Variants in TOGARAM1 observed in about 807,000 individuals in gnomAD.
The protein encoded by TOGARAM1 is TOG array regulator of axonemal microtubules 1.
TOGARAM1 carries 100 observed loss-of-function variants against 166.6 expected under a neutral mutation model. The observed-to-expected ratio is 0.60, with a 90% CI of 0.51 to 0.71. The LOEUF (loss-of-function observed/expected upper bound fraction) is 0.71. Among genes scored for constraint, TOGARAM1 ranks in the 30% least tolerant of loss-of-function variants. The pLI, the probability that TOGARAM1 is intolerant of heterozygous loss-of-function variation, is 0.00. For synonymous variants in TOGARAM1, 758 were observed against 763.8 expected (o/e 0.99, Z 0.13); for missense variants, 2,029 against 2,102.7 (o/e 0.96, Z 0.69).
In TOGARAM1 at chr14:45,027,377, T is replaced by C; in HGVS notation, c.3407T>C (p.Phe1136Ser). ...TCTTCTGTGGAAAATGGGGATACAT[T>C]TTCAATTAAACAAAGTATTGAACCA... The part of the protein sequence containing the change: ...VISSVENGDT[F>S]SIKQSIEPPS... The change falls in exon 9 of 20, where the codon TTT becomes TCT. Residue 1136 changes from phenylalanine to serine, a missense_variant. Around this residue, in one of 2 missense-constraint regions of TOGARAM1, gnomAD observed 1,453 missense variants for 1,432.2 expected, o/e 1.01. Transcript: ENST00000361462. The C allele has an allele frequency of 6.2e-7, 1 of 1,613,756 alleles. No individual in the cohort carries two copies. Among genetic ancestry groups the C allele is most frequent in the Non-Finnish European group, 8.5e-7 (1 of 1,179,888 alleles).
chr14:45,046,417 C>A, intron 13 of TOGARAM1, 128 bp from the exon 14 acceptor site: 2 of 715,474 alleles, frequency 2.8e-6, no homozygotes, highest in Non-Finnish European at 3.9e-6. Flanking sequence ...GCCTCAGTGA[C>A]AGAGCAAGAC....
At chr14:45,071,237 A>G (rs1883365443) in intron 18 of TOGARAM1, among the ~76,000 whole-genome samples, 2 of 151,002 alleles carry the variant, frequency 1.3e-5, no homozygotes, top group African/African-American at 4.9e-5. Context: ...CTGTTTTTTG[A>G]TAAAACTATG....
intron 1 of TOGARAM1, 40 bp downstream of exon 1, chr14:44,964,507 A>G: frequency 1.3e-6 from 2 of 1,510,650 alleles, no homozygotes; most frequent in Non-Finnish European, 1.8e-6. Context: ...AGTGTGAAGA[A>G]TTTAAATGAA....
At chr14:45,044,305 C>G (rs187289563) in intron 12 of TOGARAM1, among the ~76,000 whole-genome samples, 8 of 152,062 alleles carry the variant, frequency 5.3e-5, no homozygotes, top group Non-Finnish European at 1.5e-5. Context: ...CCACCACGCC[C>G]GGTTTAAGAT....
intron 4 of TOGARAM1, among the ~76,000 whole-genome samples, chr14:45,005,719 A>G (rs994628746): frequency 1.3e-5 from 2 of 152,186 alleles, no homozygotes; most frequent in African/African-American, 2.4e-5. Context: ...TCACCTTTAA[A>G]CTACCCTACA....
At chr14:45,065,129 G>A (rs1883078583) in intron 16 of TOGARAM1, among the ~76,000 whole-genome samples, 1 of 151,976 alleles carries the variant, frequency 6.6e-6, no homozygotes, top group Non-Finnish European at 1.5e-5. Flanking sequence ...ACTGCAGCCT[G>A]GGTGACAAAG....
At chr14:45,024,926 C>G (rs574609552) in intron 7 of TOGARAM1, among the ~76,000 whole-genome samples, 100 of 152,276 alleles carry the variant, frequency 6.6e-4, no homozygotes, top group African/African-American at 2.3e-3. Context: ...TAAAGCAATA[C>G]ATATTTCTCT....
chr14:45,019,179 C>G (rs1191647934), intron 7 of TOGARAM1, among the ~76,000 whole-genome samples: 1 of 152,116 alleles, frequency 6.6e-6, no homozygotes, highest in Non-Finnish European at 1.5e-5. Flanking sequence ...TCATTTTTGT[C>G]TCTTTACCTT....
chr14:44,996,739 G>A (rs1414053014), intron 2 of TOGARAM1: 1 of 152,352 alleles, frequency 6.6e-6, no homozygotes, highest in African/African-American at 2.4e-5. Flanking sequence ...TTCTGCTTCT[G>A]GGGAAACCTC....
chr14:44,988,006 C>CA (rs756627262), intron 1 of TOGARAM1, among the ~76,000 whole-genome samples: 3 of 150,736 alleles, frequency 2.0e-5, no homozygotes, highest in Non-Finnish European at 2.9e-5. Context: ...ATCGCAAGGA[C>CA]AAAAAACCAA....
chr14:44,998,136 A>G (rs569981741), intron 2 of TOGARAM1, among the ~76,000 whole-genome samples: 1 of 152,366 alleles, frequency 6.6e-6, no homozygotes, highest in East Asian at 1.9e-4. Flanking sequence ...ATGAAGTGGC[A>G]TAATGACTGC....
At position 45,006,266 on chromosome 14, in the gene TOGARAM1, A is replaced by G. The variant is rs1404979678; in HGVS notation, c.2903A>G (p.Glu968Gly). 6.3e-7 allele frequency: 1 copy of G among 1,582,604 alleles called. No homozygotes were observed. The highest frequency in any genetic ancestry group is 8.6e-7 in the Non-Finnish European group (1 of 1,162,652). Reference protein sequence around the residue: ...NFKDKDLDQEEMHSSLRSLRN... With the variant: ...NFKDKDLDQEGMHSSLRSLRN... ...AAGGATAAAGATTTGGATCAAGAAG[A>G]GGTTAGAACCAAATATTTTTAATGA... Residue 968 changes from glutamate (E) to glycine (G), a missense_variant and splice_region_variant, in exon 5 of 20, where the codon GAG (glutamate) becomes GGG (glycine). By Grantham distance (98) the Glu-to-Gly change is moderately conservative. Coordinates refer to ENST00000361462, the MANE Select transcript of TOGARAM1 (RefSeq NM_001308120.2).
intron 1 of TOGARAM1, among the ~76,000 whole-genome samples, chr14:44,965,871 T>A (rs1885501473): frequency 7.3e-6 from 1 of 137,742 alleles, no homozygotes; most frequent in Non-Finnish European, 1.6e-5. Context: ...AAATAGTAAT[T>A]TTTTTTTTTT....
intron 13 of TOGARAM1, 118 bp from the exon 14 acceptor site, chr14:45,046,427 C>A (rs927140527): frequency 1.3e-5 from 11 of 827,698 alleles, no homozygotes; most frequent in Middle Eastern, 3.4e-4. Flanking sequence ...CAGAGCAAGA[C>A]CCTGTCCCAA....
At chr14:45,028,423 A>G (rs1392948503) in intron 10 of TOGARAM1, 94 bp downstream of exon 10, 13 of 1,309,678 alleles carry the variant, frequency 9.9e-6, no homozygotes, top group Non-Finnish European at 1.3e-5. Flanking sequence ...ATGACTAAGA[A>G]TGAAATATCT....
At chr14:45,038,369 A>G (rs1426930648) in intron 11 of TOGARAM1, among the ~76,000 whole-genome samples, 1 of 152,208 alleles carries the variant, frequency 6.6e-6, no homozygotes, top group African/African-American at 2.4e-5. Context: ...TTTTGCTACC[A>G]GCCCAGATCC....
chr14:45,027,412 A>G lies in TOGARAM1; in HGVS notation c.3442A>G (p.Ile1148Val). ...IKQSIEPPSG[I>V]YGRSVQQNIS... ...ACAAAGTATTGAACCACCATCAGGG[A>G]TTTATGGAAGATCAGTCCAGCAAAA... is the stretch of plus-strand genomic sequence containing the variant. The change falls in exon 9 of 20, where the codon ATT (isoleucine) becomes GTT (valine). Residue 1148 changes from isoleucine (I) to valine (V), a missense_variant. Ile to Val is a conservative substitution (Grantham distance 29). Around this residue, in one of 2 missense-constraint regions of TOGARAM1, gnomAD observed 1,453 missense variants for 1,432.2 expected, o/e 1.01. Transcript: ENST00000361462. 6.2e-7 allele frequency: 1 copy of G among 1,613,646 alleles called. No individual in the cohort carries two copies. The highest frequency in any genetic ancestry group is 8.5e-7 in the Non-Finnish European group (1 of 1,179,846).
At chr14:44,977,293 A>G (rs936292382) in intron 1 of TOGARAM1, among the ~76,000 whole-genome samples, 1 of 134,664 alleles carries the variant, frequency 7.4e-6, no homozygotes. Context: ...GGAGTGTAGT[A>G]GTGTGATCTC....
chr14:45,067,555 T>G (rs941077802), intron 17 of TOGARAM1, among the ~76,000 whole-genome samples: 1 of 152,156 alleles, frequency 6.6e-6, no homozygotes, highest in African/African-American at 2.4e-5. Flanking sequence ...AATAATTTAT[T>G]AATTAAATTT....
Sources: gnomAD v4.1 joint callset for allele counts (sites outside exome capture counted in the v4.1 genomes callset) on GRCh38, gnomAD v4.1.1 for gene constraint, gnomAD v4.1.1 regional missense constraint, MANE v1.5 for transcripts, NCBI Gene and HGNC (gene_info 2026-07-23, HGNC 2026-07-21) for gene names.